Variants in PKD1L1 observed in about 807,000 individuals in gnomAD.
PKD1L1 encodes the protein polycystin 1 like 1, transient receptor potential channel interacting.
In PKD1L1, 236 loss-of-function variants were observed where a neutral mutation model predicts 323.4. The observed-to-expected ratio is 0.73, with a 90% CI of 0.66 to 0.81. The LOEUF is 0.81. Ranked by LOEUF, PKD1L1 falls within the 40% of genes least tolerant of loss-of-function variation. PKD1L1 has a pLI of 0.00. For missense variants in PKD1L1, 3,320 were observed against 3,508.0 expected (o/e 0.95, Z 1.35); for synonymous variants, 1,344 against 1,335.0 (o/e 1.01, Z -0.15).
chr7:47,954,918 T>C, the PKD1L1 span, among the ~76,000 whole-genome samples: 4 of 152,308 alleles, frequency 2.6e-5, no homozygotes, highest in Admixed American at 6.5e-5. Flanking sequence ...GGTTGTAAGA[T>C]TGGTTCATTT....
At chr7:47,953,799 T>G in the PKD1L1 span, among the ~76,000 whole-genome samples, 1 of 152,250 alleles carries the variant, frequency 6.6e-6, no homozygotes, top group African/African-American at 2.4e-5. Flanking sequence ...CCTTATGTGC[T>G]CTGCCTCCTT....
intron 33 of PKD1L1, among the ~76,000 whole-genome samples, chr7:47,843,914 C>T (rs536675190): frequency 6.6e-5 from 10 of 152,306 alleles, no homozygotes; most frequent in Admixed American, 1.3e-4. Context: ...TTGGGCTCTG[C>T]TCTTGGTTTC....
In PKD1L1 at chr7:47,811,904, C is replaced by T. The variant is rs553682583; in HGVS notation, c.7494G>A (p.Thr2498=). 1.4e-5 allele frequency: 23 copies of T among 1,610,322 alleles called. No homozygotes were observed. Among genetic ancestry groups the T allele is most frequent in the South Asian group, 5.6e-5 (5 of 89,928 alleles). ...SVSLRVEILP[T]GSLVPSSLVE... ...CCAGGGATGAGGGGACGAGACTCCC[C>T]GTAGGGAGGATCTCCACTCTCAGGG... The change falls in exon 50 of 57, where the codon ACG becomes ACA. Residue 2498 remains threonine (T), a synonymous_variant. Transcript: ENST00000289672.
At chr7:47,803,627 A>G (rs1378115362) in intron 52 of PKD1L1, among the ~76,000 whole-genome samples, 1 of 152,140 alleles carries the variant, frequency 6.6e-6, no homozygotes, top group Non-Finnish European at 1.5e-5. Flanking sequence ...GCACACACAG[A>G]TGGGACTCTG....
chr7:47,780,408 G>A (rs1786665296), intron 56 of PKD1L1, among the ~76,000 whole-genome samples: 1 of 152,124 alleles, frequency 6.6e-6, no homozygotes, highest in South Asian at 2.1e-4. Context: ...GAGGTGGGTG[G>A]ATGACTTGAG....
intron 8 of PKD1L1, among the ~76,000 whole-genome samples, chr7:47,911,279 C>A (rs1260770672): frequency 1.3e-5 from 2 of 152,158 alleles, no homozygotes; most frequent in Admixed American, 1.3e-4. Flanking sequence ...TGCCCTGTAG[C>A]CTTCTACCAT....
chr7:47,783,705 G>A (rs1222082973), intron 56 of PKD1L1, among the ~76,000 whole-genome samples: 9 of 152,336 alleles, frequency 5.9e-5, no homozygotes, highest in South Asian at 2.1e-4. Context: ...AGAGATGCCT[G>A]GAACAGATCC....
intron 56 of PKD1L1, among the ~76,000 whole-genome samples, chr7:47,787,855 G>A (rs1383693174): frequency 6.6e-6 from 1 of 152,122 alleles, no homozygotes; most frequent in East Asian, 1.9e-4. Flanking sequence ...GGGACTAGAG[G>A]TGTGTGCCAC....
At chr7:47,867,911 G>C (rs1786201379) in intron 24 of PKD1L1, among the ~76,000 whole-genome samples, 1 of 152,024 alleles carries the variant, frequency 6.6e-6, no homozygotes, top group African/African-American at 2.4e-5. Context: ...ATAAATAACA[G>C]GAAGAAAAAA....
At chr7:47,944,576 G>A (rs147895776) in intron 1 of PKD1L1, among the ~76,000 whole-genome samples, 9 of 152,350 alleles carry the variant, frequency 5.9e-5, no homozygotes, top group East Asian at 5.8e-4. Flanking sequence ...ACCCAAAGCC[G>A]ATGCCAATTC....
intron 42 of PKD1L1, among the ~76,000 whole-genome samples, chr7:47,830,547 A>G (rs753357610): frequency 1.7e-4 from 26 of 152,250 alleles, no homozygotes; most frequent in Non-Finnish European, 3.4e-4. Flanking sequence ...AGCCCTAAGA[A>G]TTAAGCTCTC....
chr7:47,938,805 G>C (rs1787927055), intron 3 of PKD1L1, among the ~76,000 whole-genome samples: 1 of 152,222 alleles, frequency 6.6e-6, no homozygotes, highest in East Asian at 1.9e-4. Flanking sequence ...TCACCTGGGT[G>C]GGGTGGGGTT....
chr7:47,827,553 T>C, intron 44 of PKD1L1, 85 bp from the exon 45 acceptor site: 1 of 1,145,928 alleles, frequency 8.7e-7, no homozygotes. Context: ...CCAAGGAATG[T>C]GTCATTGCTG....
intron 8 of PKD1L1, among the ~76,000 whole-genome samples, chr7:47,910,192 G>A (rs1562985772): frequency 1.3e-5 from 2 of 152,150 alleles, no homozygotes; most frequent in Admixed American, 6.5e-5. Context: ...AGTGTGCTAC[G>A]TGTTGTTTCA....
At chr7:47,876,845 T>C (rs1402070867) in intron 22 of PKD1L1, among the ~76,000 whole-genome samples, 1 of 152,120 alleles carries the variant, frequency 6.6e-6, no homozygotes, top group East Asian at 1.9e-4. Flanking sequence ...AATGGCGCGA[T>C]CTCGGCTCAC....
chr7:47,835,807 G>A (rs1405964060), intron 37 of PKD1L1, among the ~76,000 whole-genome samples: 1 of 152,048 alleles, frequency 6.6e-6, no homozygotes, highest in African/African-American at 2.4e-5. Context: ...ATCCAGCAAA[G>A]GCTTCTTCTA....
chr7:47,863,993 G>A lies in PKD1L1; in HGVS notation c.4149+1223C>T, dbSNP rs148628699. 4.1e-4 allele frequency among the ~76,000 whole-genome samples: 63 copies of A among 152,302 alleles called. 1 individual carries two copies. In the East Asian group the frequency reaches 0.011, roughly 26 times the overall value. On this transcript the variant is annotated intron_variant, in intron 26 of 56. Coordinates refer to ENST00000289672, the MANE Select transcript of PKD1L1 (RefSeq NM_138295.5). ...TGGAAGCAGGTTTGATTTCACTAGAGGGATTTTTTTTTAAAATAAGTGAGA... is the reference window on the plus strand; with the variant it reads ...TGGAAGCAGGTTTGATTTCACTAGAAGGATTTTTTTTTAAAATAAGTGAGA...
chr7:47,806,580 G>T (rs1784782714), intron 52 of PKD1L1, among the ~76,000 whole-genome samples: 1 of 152,250 alleles, frequency 6.6e-6, no homozygotes, highest in Non-Finnish European at 1.5e-5. Flanking sequence ...GGTACCAGGG[G>T]AGCAGTAGTG....
chr7:47,778,166 T>C (rs2128720650), intron 56 of PKD1L1, among the ~76,000 whole-genome samples: 1 of 152,218 alleles, frequency 6.6e-6, no homozygotes, highest in East Asian at 1.9e-4. Context: ...ATGAGGTGAC[T>C]CAAAGCCACA....
Sources: allele counts gnomAD v4.1 joint callset (sites outside exome capture counted in the v4.1 genomes callset), GRCh38; gene constraint gnomAD v4.1.1; transcripts MANE v1.5; gene names NCBI Gene and HGNC (gene_info 2026-07-23, HGNC 2026-07-21).